NALF1: variants seen among roughly 807,000 people sequenced by gnomAD.
NALF1 encodes NALCN channel auxiliary factor 1.
A neutral mutation model predicts 48.4 loss-of-function variants in NALF1; 3 were observed. That is an observed-to-expected ratio of 0.06 (90% confidence interval 0.03 to 0.16). The LOEUF is 0.16. NALF1 is among the 10% of genes least tolerant of loss of function. The pLI, the probability that NALF1 is intolerant of heterozygous loss-of-function variation, is 1.00. For missense variants in NALF1, 526 were observed against 571.5 expected (o/e 0.92, Z 0.81); for synonymous variants, 262 against 245.7 (o/e 1.07, Z -0.62).
intron 1 of NALF1, among the ~76,000 whole-genome samples, chr13:107,623,067 T>C (rs1049384650): frequency 6.6e-6 from 1 of 152,214 alleles, no homozygotes; most frequent in Non-Finnish European, 1.5e-5. Flanking sequence ...AAGAATGTCA[T>C]GAGTTCTCAT....
chr13:107,623,447 A>G (rs1338256099), intron 1 of NALF1, among the ~76,000 whole-genome samples: 1 of 133,488 alleles, frequency 7.5e-6, no homozygotes, highest in Admixed American at 7.5e-5. Flanking sequence ...AAGAAATTAG[A>G]AAAAAAAAAA....
At chr13:107,572,222 A>G (rs1174839745) in intron 1 of NALF1, among the ~76,000 whole-genome samples, 1 of 152,162 alleles carries the variant, frequency 6.6e-6, no homozygotes, top group Admixed American at 6.5e-5. Flanking sequence ...GCCTTTCTGC[A>G]TATCTTGTGA....
chr13:107,557,048 T>C (rs1413922608), intron 1 of NALF1, among the ~76,000 whole-genome samples: 1 of 152,234 alleles, frequency 6.6e-6, no homozygotes, highest in Admixed American at 6.5e-5. Context: ...ACAGTACATC[T>C]TCCCCAAAAT....
intron 1 of NALF1, among the ~76,000 whole-genome samples, chr13:107,477,811 G>C (rs780532169): frequency 6.6e-6 from 1 of 151,880 alleles, no homozygotes; most frequent in African/African-American, 2.4e-5. Context: ...CTTCCAACCT[G>C]CTGCCAGGTT....
At chr13:107,414,718 T>C (rs953006888) in intron 1 of NALF1, among the ~76,000 whole-genome samples, 1 of 152,016 alleles carries the variant, frequency 6.6e-6, no homozygotes, top group Non-Finnish European at 1.5e-5. Flanking sequence ...ATCTAAGTTG[T>C]TATTTATTTT....
chr13:107,268,730 G>A (rs535767593), intron 1 of NALF1, among the ~76,000 whole-genome samples: 1 of 152,296 alleles, frequency 6.6e-6, no homozygotes, highest in African/African-American at 2.4e-5. Flanking sequence ...TAGAAGTTAG[G>A]AGGGTTAAGA....
At chr13:107,469,331 G>A (rs1436182586) in intron 1 of NALF1, among the ~76,000 whole-genome samples, 1 of 152,110 alleles carries the variant, frequency 6.6e-6, no homozygotes, top group East Asian at 1.9e-4. Context: ...TATAGACGAT[G>A]CCTCAAGTTT....
At position 107,537,893 on chromosome 13, in the gene NALF1, C is replaced by G. The variant is rs1876881824; in HGVS notation, c.916-327138G>C. Among the ~76,000 whole-genome samples, 2 of 152,064 alleles carry G rather than the reference C, an allele frequency of 1.3e-5. 1 individual carries two copies. Among genetic ancestry groups the G allele is most frequent in the South Asian group, 4.2e-4 (2 of 4,818 alleles). On this transcript the variant is annotated intron_variant, in intron 1 of 2. Coordinates refer to ENST00000375915, the MANE Select transcript of NALF1 (RefSeq NM_001080396.3). Reference sequence around the variant, plus strand: ...ATTAGCTGGGCATGGTGGCACATACCTGTAATCCCAGCTACTCGAGACACT... The same window carrying G: ...ATTAGCTGGGCATGGTGGCACATACGTGTAATCCCAGCTACTCGAGACACT...
intron 1 of NALF1, among the ~76,000 whole-genome samples, chr13:107,529,754 G>A (rs780035553): frequency 6.6e-6 from 1 of 152,006 alleles, no homozygotes; most frequent in Non-Finnish European, 1.5e-5. Context: ...AGCTCTGACT[G>A]CCATGTGAGA....
chr13:107,613,122 G>A (rs1057055432), intron 1 of NALF1, among the ~76,000 whole-genome samples: 5 of 152,118 alleles, frequency 3.3e-5, no homozygotes, highest in Non-Finnish European at 5.9e-5. Flanking sequence ...TGAAACTCCC[G>A]GGGAAGATTC....
At chr13:107,478,719 A>G (rs8002360) in intron 1 of NALF1, among the ~76,000 whole-genome samples, 1,816 of 152,180 alleles carry the variant, frequency 0.012, 41 homozygotes, top group African/African-American at 0.041. Flanking sequence ...AAATGCTTAT[A>G]TTTGTTTTTA....
chr13:107,360,232 T>C (rs1210598432), intron 1 of NALF1, among the ~76,000 whole-genome samples: 1 of 152,206 alleles, frequency 6.6e-6, no homozygotes, highest in Non-Finnish European at 1.5e-5. Context: ...ATAGAGTTGC[T>C]AGTCATTTCT....
At chr13:107,553,676 G>C (rs1004172945) in intron 1 of NALF1, among the ~76,000 whole-genome samples, 1 of 152,098 alleles carries the variant, frequency 6.6e-6, no homozygotes, top group Non-Finnish European at 1.5e-5. Flanking sequence ...AGTTAATTAA[G>C]CTTCATTAAT....
intron 1 of NALF1, among the ~76,000 whole-genome samples, chr13:107,627,985 G>A (rs1448538497): frequency 1.3e-5 from 2 of 152,066 alleles, no homozygotes; most frequent in Admixed American, 6.6e-5. Flanking sequence ...TACTGGTAAA[G>A]TTATGTGGAA....
intron 1 of NALF1, among the ~76,000 whole-genome samples, chr13:107,363,503 G>C (rs770143220): frequency 6.6e-6 from 1 of 152,242 alleles, no homozygotes; most frequent in Non-Finnish European, 1.5e-5. Flanking sequence ...AGAGGCTGAA[G>C]TGGGAGGACT....
At chr13:107,865,247 T>C (rs1274729686) in intron 1 of NALF1, among the ~76,000 whole-genome samples, 1 of 152,226 alleles carries the variant, frequency 6.6e-6, no homozygotes, top group Admixed American at 6.5e-5. Flanking sequence ...ATGAGAGCGT[T>C]CCTGTGTGCA....
At chr13:107,254,062 A>AAAAAAAAAATATATATATATATATATAT in intron 1 of NALF1, among the ~76,000 whole-genome samples, 35 of 138,676 alleles carry the variant, frequency 2.5e-4, no homozygotes, top group African/African-American at 5.7e-4. Flanking sequence ...CAAGTACTAA[A>AAAAAAAAAATATATATATATATATATAT]ATATATATAT....
chr13:107,242,518 A>G (rs1310754119), intron 1 of NALF1, among the ~76,000 whole-genome samples: 1 of 152,226 alleles, frequency 6.6e-6, no homozygotes, highest in Non-Finnish European at 1.5e-5. Context: ...TCCACTGGTA[A>G]ATTACAGCCC....
chr13:107,643,902 T>TGA (rs896548520), intron 1 of NALF1, among the ~76,000 whole-genome samples: 4 of 151,394 alleles, frequency 2.6e-5, no homozygotes, highest in Non-Finnish European at 4.4e-5. Context: ...GATTTTCCAT[T>TGA]GAGAGAGAGA....
Sources: allele counts gnomAD v4.1 joint callset (sites outside exome capture counted in the v4.1 genomes callset), GRCh38; gene constraint gnomAD v4.1.1; transcripts MANE v1.5; gene names NCBI Gene and HGNC (gene_info 2026-07-23, HGNC 2026-07-21).